The following PITPNC1 variants were observed in gnomAD, a reference collection of about 807,000 sequenced individuals.
PITPNC1 encodes the protein phosphatidylinositol transfer protein cytoplasmic 1, also known as cytoplasmic phosphatidylinositol transfer protein 1.
PITPNC1 carries 18 observed loss-of-function variants against 44.7 expected under a neutral mutation model. The ratio of observed to expected loss-of-function variants is 0.40; its 90% CI spans 0.28 to 0.60. PITPNC1 has a LOEUF of 0.60. Among genes scored for constraint, PITPNC1 ranks in the 20% least tolerant of loss-of-function variants. The pLI, the probability that PITPNC1 is intolerant of heterozygous loss-of-function variation, is 0.39. For missense variants in PITPNC1, 290 were observed against 418.4 expected, an observed-to-expected ratio of 0.69 and a Z score of 2.68; for synonymous variants, 141 against 149.6, an observed-to-expected ratio of 0.94 and a Z score of 0.42.
Position 67,692,573 on chromosome 17 carries a change from C to A in PITPNC1, c.684C>A (p.Asp228Glu). ...TTCTTTCTGTTTTTCTCCTTGAAGA[C>A]ATGACAATGGATGAAGTCCGAGAAT... Reference protein sequence around the residue: ...QAFAWVDEWYDMTMDEVREFE... With the variant: ...QAFAWVDEWYEMTMDEVREFE... The change falls in exon 9 of 9, where the codon GAC becomes GAA. Residue 228 changes from aspartate (D) to glutamate (E), a missense_variant and splice_region_variant. Coordinates refer to ENST00000581322, the MANE Select transcript of PITPNC1 (RefSeq NM_012417.4). The A allele has an allele frequency of 6.2e-7, 1 of 1,609,218 alleles. No homozygotes were observed. Among genetic ancestry groups the A allele is most frequent in the Non-Finnish European group, 8.5e-7 (1 of 1,175,742 alleles).
intron 1 of PITPNC1, among the ~76,000 whole-genome samples, chr17:67,479,657 T>G (rs2039678010): frequency 6.6e-6 from 1 of 152,260 alleles, no homozygotes; most frequent in African/African-American, 2.4e-5. Context: ...TCAAAGATTA[T>G]GATTTTTTTT....
intron 1 of PITPNC1, among the ~76,000 whole-genome samples, chr17:67,389,826 C>T (rs917740514): frequency 2.0e-5 from 3 of 151,990 alleles, no homozygotes; most frequent in East Asian, 1.9e-4. Context: ...ACTACAGGCA[C>T]GTGCCACCAC....
At chr17:67,496,236 A>G (rs2039950674) in intron 1 of PITPNC1, among the ~76,000 whole-genome samples, 1 of 152,210 alleles carries the variant, frequency 6.6e-6, no homozygotes, top group South Asian at 2.1e-4. Context: ...TGCTTCCGTG[A>G]TGGAAACACT....
chr17:67,673,402 G>GAC lies in PITPNC1; in HGVS notation c.619-2061_619-2060dup, dbSNP rs142605380. On this transcript the variant is annotated intron_variant, in intron 7 of 8. Coordinates refer to ENST00000581322, the MANE Select transcript of PITPNC1 (RefSeq NM_012417.4). Reference sequence around the variant, plus strand: ...ACATGAACAGTATCTCACACACGCAGACACACACACACACACAAATGGTAT... The same window carrying GAC: ...ACATGAACAGTATCTCACACACGCAGACACACACACACACACACAAATGGTAT... Among the ~76,000 whole-genome samples the GAC allele has an allele frequency of 3.1e-3, 463 of 150,936 alleles. 4 individuals are homozygous for GAC. The highest frequency in any genetic ancestry group is 9.9e-3 in the African/African-American group (408 of 41,214).
At chr17:67,581,461 T>C (rs970702063) in intron 5 of PITPNC1, among the ~76,000 whole-genome samples, 1 of 152,220 alleles carries the variant, frequency 6.6e-6, no homozygotes, top group African/African-American at 2.4e-5. Flanking sequence ...CTGCTGCTTG[T>C]CTGCCTGTCA....
rs536439021 is a variant in PITPNC1 at position 67,447,890 on chromosome 17, A to G, written c.48+69688A>G. Among the ~76,000 whole-genome samples the G allele has an allele frequency of 2.1e-5, 3 of 142,910 alleles. No homozygotes were observed. In the South Asian group the frequency reaches 6.6e-4, roughly 32 times the overall value. 93.8% of individuals were successfully genotyped at this position (142,910 alleles called of 152,430 possible). A position where few individuals can be genotyped will look rare whatever the true frequency, so the allele number is the denominator to read the frequency against. ...TCTCTCTGTCTCTGGGATCCCAGCT[A>G]TCTCTTTCTTTCTTTCTTTCTCTCT... is the stretch of plus-strand genomic sequence containing the variant. On this transcript the variant is annotated intron_variant, in intron 1 of 8. Coordinates refer to ENST00000581322, the MANE Select transcript of PITPNC1 (RefSeq NM_012417.4).
intron 1 of PITPNC1, among the ~76,000 whole-genome samples, chr17:67,428,132 C>G (rs926554776): frequency 6.6e-6 from 1 of 152,156 alleles, no homozygotes; most frequent in Non-Finnish European, 1.5e-5. Context: ...GTGGCTGGCA[C>G]TACAGGCATC....
At chr17:67,610,930 AAAAAAG>A (rs2041679929) in intron 5 of PITPNC1, among the ~76,000 whole-genome samples, 2 of 151,934 alleles carry the variant, frequency 1.3e-5, no homozygotes, top group South Asian at 4.1e-4. Flanking sequence ...AAAAAAAAAA[AAAAAAG>A]AAAAAGAAAA....
intron 5 of PITPNC1, among the ~76,000 whole-genome samples, chr17:67,625,141 A>G (rs2041880767): frequency 6.6e-6 from 1 of 152,158 alleles, no homozygotes; most frequent in African/African-American, 2.4e-5. Flanking sequence ...GTGGGTAGAA[A>G]GTAGAAGGGA....
At chr17:67,524,211 G>T (rs2040366657) in intron 1 of PITPNC1, among the ~76,000 whole-genome samples, 1 of 152,162 alleles carries the variant, frequency 6.6e-6, no homozygotes, top group African/African-American at 2.4e-5. Flanking sequence ...GTGAGGCTGT[G>T]GCGGGAGGAT....
Position 67,676,172 on chromosome 17 carries a change from A to G in PITPNC1, c.682+630A>G, listed in dbSNP as rs2042598582. Among the ~76,000 whole-genome samples the G allele has an allele frequency of 1.3e-5, 2 of 151,476 alleles. No homozygotes were observed. The highest frequency in any genetic ancestry group is 6.6e-5 in the Admixed American group (1 of 15,176). The stretch of plus-strand genomic sequence containing the variant: ...CAGTGAGCCGAGATCGCACCACTGC[A>G]CTCCAGCCTGGGGGACAGAGCGAGA... On this transcript the variant is annotated intron_variant, in intron 8 of 8. Transcript: ENST00000581322. This position sits in a 1 kb window ranked among gnomAD's most constrained non-coding sequence, Gnocchi z 4.0.
intron 5 of PITPNC1, among the ~76,000 whole-genome samples, chr17:67,625,909 C>T (rs2041889725): frequency 6.6e-6 from 1 of 151,882 alleles, no homozygotes; most frequent in Non-Finnish European, 1.5e-5. Flanking sequence ...TACGCCTTCT[C>T]AAATTTCAGG....
chr17:67,417,776 C>T (rs987534482), intron 1 of PITPNC1, among the ~76,000 whole-genome samples: 20 of 152,228 alleles, frequency 1.3e-4, no homozygotes, highest in African/African-American at 4.6e-4. Context: ...GGTGCGGTGG[C>T]TCCTGTCTGT....
intron 1 of PITPNC1, among the ~76,000 whole-genome samples, chr17:67,434,045 G>T (rs941592011): frequency 2.0e-5 from 3 of 152,180 alleles, no homozygotes; most frequent in Non-Finnish European, 4.4e-5. Flanking sequence ...ACGGGACCTG[G>T]TTCTCCAGGG....
intron 1 of PITPNC1, among the ~76,000 whole-genome samples, chr17:67,383,550 C>T (rs1471416764): frequency 2.0e-5 from 3 of 152,232 alleles, no homozygotes; most frequent in East Asian, 1.9e-4. Flanking sequence ...CACCTCCTCC[C>T]GCAGCCACTC....
intron 1 of PITPNC1, among the ~76,000 whole-genome samples, chr17:67,482,752 GC>G (rs2039721342): frequency 1.3e-5 from 2 of 152,188 alleles, no homozygotes; most frequent in Non-Finnish European, 2.9e-5. Context: ...TGCAAATAAG[GC>G]CCAGATTTGA....
At chr17:67,434,508 G>A (rs902389100) in intron 1 of PITPNC1, among the ~76,000 whole-genome samples, 5 of 152,168 alleles carry the variant, frequency 3.3e-5, no homozygotes, top group African/African-American at 9.7e-5. Context: ...GGCAGGCTGT[G>A]CTTTAGAAGC....
At chr17:67,607,152 G>A (rs1343417449) in intron 5 of PITPNC1, among the ~76,000 whole-genome samples, 2 of 152,254 alleles carry the variant, frequency 1.3e-5, no homozygotes, top group Non-Finnish European at 2.9e-5. Flanking sequence ...GCTGTAGGAA[G>A]AGACATGCAG....
At chr17:67,385,188 G>A (rs1041390258) in intron 1 of PITPNC1, among the ~76,000 whole-genome samples, 8 of 152,088 alleles carry the variant, frequency 5.3e-5, no homozygotes, top group East Asian at 1.9e-4. Flanking sequence ...ACCAATCAGC[G>A]CTCTGTAGCT....
Sources: gnomAD v4.1 joint callset for allele counts (sites outside exome capture counted in the v4.1 genomes callset) on GRCh38, gnomAD v4.1.1 for gene constraint, Gnocchi (gnomAD v3.1) non-coding constraint, MANE v1.5 for transcripts, NCBI Gene and HGNC (gene_info 2026-07-23, HGNC 2026-07-21) for gene names.